Variants in PPP1R9A observed in about 807,000 individuals in gnomAD.
PPP1R9A encodes neurabin-1.
In PPP1R9A, 59 loss-of-function variants were observed where a neutral mutation model predicts 141.9. The observed-to-expected ratio is 0.42, with a 90% CI of 0.34 to 0.52. The LOEUF (loss-of-function observed/expected upper bound fraction) is 0.52, where lower values mean the gene tolerates loss of function less well. PPP1R9A is among the 20% of genes least tolerant of loss of function. The pLI is 0.10. For missense variants in PPP1R9A, 1,444 were observed against 1,611.9 expected (o/e 0.90, Z 1.78); for synonymous variants, 500 against 569.7 (o/e 0.88, Z 1.74).
At position 94,987,349 on chromosome 7, in the gene PPP1R9A, A is replaced by T. The variant is rs980307280; in HGVS notation, c.1395+75841A>T. On this transcript the variant is annotated intron_variant, in intron 2 of 19. Transcript: ENST00000433360. Reference sequence around the variant, plus strand: ...AAACTGCAAATATGGTTGAAGATTTAGAAATTAAATCCTATTAAGAAAACA... The same window carrying T: ...AAACTGCAAATATGGTTGAAGATTTTGAAATTAAATCCTATTAAGAAAACA... 2.0e-5 allele frequency among the ~76,000 whole-genome samples: 3 copies of T among 152,224 alleles called. 1 individual carries two copies. Among genetic ancestry groups the T allele is most frequent in the Admixed American group, 2.0e-4 (3 of 15,272 alleles).
At chr7:95,060,919 A>G (rs1450229679) in intron 2 of PPP1R9A, among the ~76,000 whole-genome samples, 1 of 152,186 alleles carries the variant, frequency 6.6e-6, no homozygotes, top group East Asian at 1.9e-4. Context: ...TCCCAGTATA[A>G]CTCACACTAT....
chr7:95,086,642 C>G (rs1050395632), intron 2 of PPP1R9A, among the ~76,000 whole-genome samples: 13 of 151,934 alleles, frequency 8.6e-5, no homozygotes, highest in African/African-American at 3.2e-4. Flanking sequence ...AAACCTACTC[C>G]TAGTTTTGCT....
chr7:95,027,302 G>A (rs1309654994), intron 2 of PPP1R9A, among the ~76,000 whole-genome samples: 1 of 152,184 alleles, frequency 6.6e-6, no homozygotes, highest in Non-Finnish European at 1.5e-5. Context: ...ATTCCTCACA[G>A]CACAGTCCCT....
At chr7:95,115,233 A>G (rs1327791686) in intron 3 of PPP1R9A, among the ~76,000 whole-genome samples, 2 of 152,338 alleles carry the variant, frequency 1.3e-5, no homozygotes, top group East Asian at 3.9e-4. Context: ...ATATAGTGTT[A>G]CTATAAAAGA....
At chr7:94,972,504 G>T (rs1798964637) in intron 2 of PPP1R9A, among the ~76,000 whole-genome samples, 1 of 151,150 alleles carries the variant, frequency 6.6e-6, no homozygotes, top group African/African-American at 2.4e-5. Context: ...ATGGTTCTTT[G>T]TGCAAATATT....
intron 2 of PPP1R9A, among the ~76,000 whole-genome samples, chr7:94,963,424 A>G (rs1221620579): frequency 6.6e-6 from 1 of 152,162 alleles, no homozygotes; most frequent in Non-Finnish European, 1.5e-5. Context: ...GTCAGCCACA[A>G]TCAATTTTAG....
intron 7 of PPP1R9A, among the ~76,000 whole-genome samples, chr7:95,216,836 G>C (rs1041492322): frequency 2.6e-5 from 4 of 152,172 alleles, no homozygotes; most frequent in Non-Finnish European, 5.9e-5. Context: ...AGACTTTGCT[G>C]AAGTTGTTTA....
chr7:95,005,678 C>T (rs1333020377), intron 2 of PPP1R9A, among the ~76,000 whole-genome samples: 4 of 152,092 alleles, frequency 2.6e-5, no homozygotes, highest in Non-Finnish European at 5.9e-5. Flanking sequence ...TATATACTAG[C>T]ATCTGGTTAT....
chr7:94,982,974 C>T (rs1800314031), intron 2 of PPP1R9A, among the ~76,000 whole-genome samples: 1 of 152,052 alleles, frequency 6.6e-6, no homozygotes, highest in Admixed American at 6.6e-5. Flanking sequence ...AGTCTTTAAT[C>T]CATCTTGAAT....
At chr7:95,246,387 TAC>T (rs1448451905) in intron 8 of PPP1R9A, among the ~76,000 whole-genome samples, 2 of 152,232 alleles carry the variant, frequency 1.3e-5, no homozygotes. Context: ...GTCCCTCATG[TAC>T]AGTCTTAAAT....
chr7:95,046,496 A>C (rs745838783), intron 2 of PPP1R9A, among the ~76,000 whole-genome samples: 1 of 152,206 alleles, frequency 6.6e-6, no homozygotes, highest in Non-Finnish European at 1.5e-5. Context: ...GGACTCTGCT[A>C]TTTGATAACA....
chr7:95,042,213 G>C (rs897136295), intron 2 of PPP1R9A, among the ~76,000 whole-genome samples: 4 of 152,260 alleles, frequency 2.6e-5, no homozygotes, highest in African/African-American at 9.6e-5. Context: ...TTTTCCAGGA[G>C]GTGTGGAGTT....
chr7:95,202,557 T>A (rs1789807550), intron 6 of PPP1R9A: 2 of 882,802 alleles, frequency 2.3e-6, no homozygotes, highest in South Asian at 1.0e-4. Flanking sequence ...TTCTTTTTTT[T>A]AATAATCTGA....
chr7:94,932,710 A>T (rs998988495), intron 2 of PPP1R9A, among the ~76,000 whole-genome samples: 1 of 151,438 alleles, frequency 6.6e-6, no homozygotes, highest in African/African-American at 2.4e-5. Flanking sequence ...TCTTTTTCAT[A>T]TGCCTCTCTT....
chr7:95,206,177 A>C (rs1377702552), intron 7 of PPP1R9A, among the ~76,000 whole-genome samples: 1 of 152,200 alleles, frequency 6.6e-6, no homozygotes, highest in East Asian at 1.9e-4. Flanking sequence ...GCCTTAAATC[A>C]TAGAAACATA....
At chr7:95,075,985 T>C (rs892569432) in intron 2 of PPP1R9A, among the ~76,000 whole-genome samples, 2 of 152,084 alleles carry the variant, frequency 1.3e-5, no homozygotes, top group Non-Finnish European at 2.9e-5. Context: ...AGATTAGGGG[T>C]CGTCTTTCTG....
At chr7:95,024,034 T>C (rs1806427087) in intron 2 of PPP1R9A, among the ~76,000 whole-genome samples, 1 of 152,218 alleles carries the variant, frequency 6.6e-6, no homozygotes, top group Admixed American at 6.5e-5. Flanking sequence ...CCTAATTTCT[T>C]TGTTTACCCA....
At chr7:95,079,860 G>A (rs1815513373) in intron 2 of PPP1R9A, among the ~76,000 whole-genome samples, 1 of 152,172 alleles carries the variant, frequency 6.6e-6, no homozygotes, top group African/African-American at 2.4e-5. Flanking sequence ...CTCAATAGAT[G>A]CAGAAAAGGC....
chr7:94,959,595 T>A (rs950317376), intron 2 of PPP1R9A, among the ~76,000 whole-genome samples: 4 of 151,734 alleles, frequency 2.6e-5, no homozygotes, highest in Non-Finnish European at 5.9e-5. Context: ...TGTCACAAAT[T>A]AAACTTACAA....
Sources: allele counts gnomAD v4.1 joint callset (sites outside exome capture counted in the v4.1 genomes callset), GRCh38; gene constraint gnomAD v4.1.1; transcripts MANE v1.5; gene names NCBI Gene and HGNC (gene_info 2026-07-23, HGNC 2026-07-21).